The following PRKG2 variants were observed in gnomAD, a reference collection of about 807,000 sequenced individuals.
The protein encoded by PRKG2 is cGMP-dependent protein kinase 2.
PRKG2 carries 33 observed loss-of-function variants against 97.2 expected under a neutral mutation model. That is an observed-to-expected ratio of 0.34 (90% CI 0.26 to 0.45). The LOEUF (loss-of-function observed/expected upper bound fraction) is 0.45, where lower values mean the gene tolerates loss of function less well. PRKG2 is among the 20% of genes least tolerant of loss of function. The probability of loss-of-function intolerance (pLI) is 1.00; values close to 1 mark genes in which losing one functional copy is unlikely to be tolerated. For synonymous variants in PRKG2, 330 were observed against 321.8 expected, an observed-to-expected ratio of 1.03 and a Z score of -0.27; for missense variants, 638 against 900.0, an observed-to-expected ratio of 0.71 and a Z score of 3.73.
At chr4:81,116,904 C>G (rs1345930093) in intron 14 of PRKG2, among the ~76,000 whole-genome samples, 5 of 150,962 alleles carry the variant, frequency 3.3e-5, no homozygotes, top group African/African-American at 1.2e-4. Flanking sequence ...TCTTATAGAT[C>G]CTGGATGTTA....
chr4:81,146,299 G>A (rs759948208), intron 9 of PRKG2, among the ~76,000 whole-genome samples: 12 of 152,118 alleles, frequency 7.9e-5, no homozygotes, highest in Non-Finnish European at 1.8e-4. Flanking sequence ...AGTTTAAACA[G>A]CTACAAAATT....
chr4:81,213,784 T>C (rs183118618), intron 1 of PRKG2, among the ~76,000 whole-genome samples: 1 of 152,304 alleles, frequency 6.6e-6, no homozygotes, highest in Non-Finnish European at 1.5e-5. Flanking sequence ...AGGCAACATA[T>C]GCCTTCACTG....
At chr4:81,184,579 TCCC>T (rs1751711100) in intron 2 of PRKG2, among the ~76,000 whole-genome samples, 2 of 151,928 alleles carry the variant, frequency 1.3e-5, no homozygotes, top group African/African-American at 4.8e-5. Context: ...CCAGAATGCC[TCCC>T]CTCCAAAGGA....
intron 9 of PRKG2, among the ~76,000 whole-genome samples, chr4:81,146,823 G>C (rs1747899958): frequency 6.6e-6 from 1 of 152,156 alleles, no homozygotes; most frequent in African/African-American, 2.4e-5. Flanking sequence ...GCTGCTATGA[G>C]AGCATTATTG....
At chr4:81,143,263 A>AT (rs940247696) in intron 10 of PRKG2, among the ~76,000 whole-genome samples, 2 of 152,028 alleles carry the variant, frequency 1.3e-5, no homozygotes, top group East Asian at 1.9e-4. Context: ...CAGTGTGGAA[A>AT]TTTTTTTTAA....
chr4:81,206,623 T>C (rs1157879659), intron 1 of PRKG2, among the ~76,000 whole-genome samples: 1 of 152,168 alleles, frequency 6.6e-6, no homozygotes, highest in African/African-American at 2.4e-5. Context: ...ACTTGTAAAC[T>C]AAGCTTGAAT....
chr4:81,112,720 G>A (rs1446153576), intron 14 of PRKG2, among the ~76,000 whole-genome samples: 2 of 152,056 alleles, frequency 1.3e-5, no homozygotes, highest in East Asian at 1.9e-4. Flanking sequence ...AATCCATTTC[G>A]TCAGCGGAAA....
At chr4:81,132,132 T>C (rs918278801) in intron 14 of PRKG2, among the ~76,000 whole-genome samples, 6 of 152,062 alleles carry the variant, frequency 3.9e-5, no homozygotes, top group African/African-American at 1.2e-4. Flanking sequence ...ACTTTTTACA[T>C]ATGAAATTTA....
intron 1 of PRKG2, among the ~76,000 whole-genome samples, chr4:81,208,963 A>C (rs772457557): frequency 2.0e-5 from 3 of 152,190 alleles, no homozygotes; most frequent in Non-Finnish European, 2.9e-5. Flanking sequence ...TGAAATGCTT[A>C]AAACATGGAG....
At chr4:81,125,258 T>C (rs1216026744) in intron 14 of PRKG2, among the ~76,000 whole-genome samples, 1 of 152,202 alleles carries the variant, frequency 6.6e-6, no homozygotes, top group Admixed American at 6.5e-5. Context: ...CACTATACTG[T>C]CAAGATAGAG....
intron 3 of PRKG2, among the ~76,000 whole-genome samples, chr4:81,172,727 C>T (rs1750596585): frequency 6.6e-6 from 1 of 152,078 alleles, no homozygotes; most frequent in Admixed American, 6.6e-5. Context: ...TATCTCCTTT[C>T]CTTAAAGAAT....
chr4:81,131,707 A>G lies in PRKG2; in HGVS notation c.1776+3448T>C, dbSNP rs113003607. 7.5e-3 allele frequency among the ~76,000 whole-genome samples: 1,143 copies of G among 152,220 alleles called. 13 individuals carry two copies. The highest frequency in any genetic ancestry group is 0.026 in the African/African-American group (1,065 of 41,520). ...GATTTAGGTTAATTTTTTTCCACAT[A>G]TGGATATCCAGTTGTTTCAGCAATG... On this transcript the variant is annotated intron_variant, in intron 14 of 18. Coordinates refer to ENST00000264399, the MANE Select transcript of PRKG2 (RefSeq NM_006259.3).
At chr4:81,133,304 T>C (rs1207950138) in intron 14 of PRKG2, among the ~76,000 whole-genome samples, 2 of 152,142 alleles carry the variant, frequency 1.3e-5, no homozygotes, top group Non-Finnish European at 2.9e-5. Context: ...TATTTTTTTC[T>C]TGTTTCCTAT....
chr4:81,168,264 T>C (rs1423987813), intron 5 of PRKG2, among the ~76,000 whole-genome samples: 1 of 152,024 alleles, frequency 6.6e-6, no homozygotes, highest in South Asian at 2.1e-4. Context: ...AGAAAAAATA[T>C]TTTCTCTGTC....
At chr4:81,154,900 C>T (rs1420029553) in intron 6 of PRKG2, among the ~76,000 whole-genome samples, 3 of 152,034 alleles carry the variant, frequency 2.0e-5, no homozygotes, top group Non-Finnish European at 4.4e-5. Flanking sequence ...ATAGGCCGGG[C>T]GCGGTGGCTC....
chr4:81,213,669 A>G (rs1420243764), intron 1 of PRKG2, among the ~76,000 whole-genome samples: 1 of 152,228 alleles, frequency 6.6e-6, no homozygotes, highest in Non-Finnish European at 1.5e-5. Flanking sequence ...AATGAAGCAC[A>G]GGAGATATGA....
At position 81,155,189 on chromosome 4, in the gene PRKG2, A is replaced by AAAAAAAAAAAAAAAAG. The variant is rs1334427898; in HGVS notation, c.913-1469_913-1468insCTTTTTTTTTTTTTTT. On this transcript the variant is annotated intron_variant, in intron 6 of 18. Transcript: ENST00000264399. The stretch of plus-strand genomic sequence containing the variant: ...CGAGACTCCGTCTCAAAAAAAAAAA[A>AAAAAAAAAAAAAAAAG]AAGAAGAATGTATAACTAGGATAAC... Among the ~76,000 whole-genome samples, 83 of 148,304 alleles carry AAAAAAAAAAAAAAAAG rather than the reference A, an allele frequency of 5.6e-4. 1 individual carries two copies. The highest frequency in any genetic ancestry group is 1.8e-3 in the African/African-American group (70 of 38,644).
At chr4:81,104,921 A>G (rs1259093492) in intron 16 of PRKG2, among the ~76,000 whole-genome samples, 1 of 152,192 alleles carries the variant, frequency 6.6e-6, no homozygotes, top group Admixed American at 6.5e-5. Context: ...GAAGTCTCCT[A>G]TTCTCTGATA....
At chr4:81,152,177 T>C (rs1748472065) in intron 7 of PRKG2, 123 bp from the exon 8 acceptor site, 2 of 711,192 alleles carry the variant, frequency 2.8e-6, no homozygotes, top group African/African-American at 1.8e-5. Flanking sequence ...GACAATACTT[T>C]GTTTTAATTT....
Sources: allele counts gnomAD v4.1 joint callset (sites outside exome capture counted in the v4.1 genomes callset), GRCh38; gene constraint gnomAD v4.1.1; transcripts MANE v1.5; gene names NCBI Gene and HGNC (gene_info 2026-07-23, HGNC 2026-07-21).